TRIQK: variants seen among roughly 807,000 people sequenced by gnomAD.
TRIQK encodes the protein triple QxxK/R motif-containing protein.
TRIQK carries 10 observed loss-of-function variants against 10.8 expected under a neutral mutation model. The ratio of observed to expected loss-of-function variants is 0.92; its 90% CI spans 0.57 to 1.57. TRIQK has a LOEUF of 1.57. Ranked by LOEUF, TRIQK falls within the 40% of genes most tolerant of loss-of-function variation. The pLI is 0.00. For synonymous variants in TRIQK, 33 were observed against 33.7 expected (o/e 0.98, Z 0.07); for missense variants, 107 against 97.7 (o/e 1.09, Z -0.40).
At chr8:92,987,664 G>T (rs1329774315) in intron 1 of TRIQK, among the ~76,000 whole-genome samples, 1 of 151,952 alleles carries the variant, frequency 6.6e-6, no homozygotes, top group Non-Finnish European at 1.5e-5. Flanking sequence ...TCAAAATAAA[G>T]AAAATTATAA....
rs566709495 is a variant in TRIQK, at chr8:92,992,784, G to T, written c.-181+24825C>A. On this transcript the variant is annotated intron_variant, in intron 1 of 4. Coordinates refer to the TRIQK transcript ENST00000520686. ...AGCTGAGAATGAAACAGAAGACTGA[G>T]TAAAACCTCCGGCACCCCAGAACCC... Among the ~76,000 whole-genome samples the T allele has an allele frequency of 9.9e-5, 15 of 152,228 alleles. No individual in the cohort carries two copies. The South Asian group carries it at 1.7e-3, about 17-fold the overall frequency.
chr8:92,989,987 G>C (rs774615881), intron 1 of TRIQK, among the ~76,000 whole-genome samples: 1 of 151,704 alleles, frequency 6.6e-6, no homozygotes, highest in Non-Finnish European at 1.5e-5. Flanking sequence ...CTTTAATAAA[G>C]AGTTACTAAT....
At chr8:92,963,709 C>T in intron 1 of TRIQK, 1 of 152,036 alleles carries the variant, frequency 6.6e-6, no homozygotes, top group East Asian at 1.9e-4. Context: ...GCCTGACCAA[C>T]ATGAAGAAAC....
In TRIQK at chr8:92,958,302, C is replaced by T. The variant is rs539436863; in HGVS notation, c.-180-3738G>A. On this transcript the variant is annotated intron_variant, in intron 1 of 4. Coordinates refer to ENST00000521988, the MANE Select transcript of TRIQK (RefSeq NM_001171797.2). ...CTTGTCTAACTTGAATTCATAGGCACCCTTCAAGACCCCATTTCAATCAAT... is the reference window on the plus strand; with the variant it reads ...CTTGTCTAACTTGAATTCATAGGCATCCTTCAAGACCCCATTTCAATCAAT... Among the ~76,000 whole-genome samples, 81 of 152,004 alleles carry T rather than the reference C, an allele frequency of 5.3e-4. 2 individuals carry two copies. The highest frequency in any genetic ancestry group is 4.4e-3 in the South Asian group (21 of 4,822).
chr8:92,986,466 C>CT (rs1325166940), intron 1 of TRIQK, among the ~76,000 whole-genome samples: 1 of 152,086 alleles, frequency 6.6e-6, no homozygotes, highest in African/African-American at 2.4e-5. Flanking sequence ...ACAAGAATAT[C>CT]TTTTTCATCA....
chr8:92,935,357 T>A (rs1460801839), intron 2 of TRIQK, among the ~76,000 whole-genome samples: 1 of 151,714 alleles, frequency 6.6e-6, no homozygotes, highest in African/African-American at 2.4e-5. Context: ...TAAAATAAAA[T>A]AATCAGGGTT....
Position 93,014,957 on chromosome 8 carries a change from T to C in TRIQK, c.-181+2652A>G, listed in dbSNP as rs139076051. On this transcript the variant is annotated intron_variant, in intron 1 of 4. Transcript: ENST00000520686. The stretch of plus-strand genomic sequence containing the variant: ...TAATGTAGCCATATAATGTGTTATT[T>C]ACTTGTGGAGAACATAGATGTTCAA... Among the ~76,000 whole-genome samples the C allele has an allele frequency of 2.8e-4, 42 of 152,212 alleles. No individual in the cohort carries two copies. The East Asian group carries it at 7.7e-3, about 28-fold the overall frequency.
chr8:92,907,325 GGTTTCT>G (rs1809328308), intron 3 of TRIQK, among the ~76,000 whole-genome samples: 2 of 152,092 alleles, frequency 1.3e-5, no homozygotes, highest in Non-Finnish European at 2.9e-5. Context: ...CTTTGTGAAT[GGTTTCT>G]TCCAATTACA....
At chr8:92,921,199 T>C (rs1293044201) in intron 2 of TRIQK, among the ~76,000 whole-genome samples, 1 of 151,604 alleles carries the variant, frequency 6.6e-6, no homozygotes, top group Non-Finnish European at 1.5e-5. Flanking sequence ...ACAGGCAAAT[T>C]GAGAGAGGAC....
intron 1 of TRIQK, among the ~76,000 whole-genome samples, chr8:93,017,110 GGAGA>G (rs3062508): frequency 0.017 from 1,571 of 92,886 alleles, 27 homozygotes; most frequent in Admixed American, 0.029. Flanking sequence ...ATATATACTT[GGAGA>G]GAGAGAGAGA....
At chr8:92,949,613 A>AAGGG (rs1226796877) in intron 2 of TRIQK, among the ~76,000 whole-genome samples, 4 of 146,056 alleles carry the variant, frequency 2.7e-5, no homozygotes, top group Admixed American at 6.9e-5. Context: ...AAGAGAAAGG[A>AAGGG]AGGGAGGGAG....
rs193286351 is a variant in TRIQK, at chr8:92,884,649, C to A, written c.*1973G>T. 13 of 334,020 alleles carry A rather than the reference C, an allele frequency of 3.9e-5. No homozygotes were observed. In the East Asian group the frequency reaches 9.9e-4, roughly 25 times the overall value. 20.7% of individuals were successfully genotyped at this position (334,020 alleles called of 1,614,324 possible). On this transcript the variant is annotated 3_prime_UTR_variant, in exon 5 of 5. Transcript: ENST00000521988. Reference sequence around the variant, plus strand: ...AATGAATTTTCAAACATTTCCAAGACCATAACCAGCCATTTTAAGTACTGT... The same window carrying A: ...AATGAATTTTCAAACATTTCCAAGAACATAACCAGCCATTTTAAGTACTGT...
intron 2 of TRIQK, among the ~76,000 whole-genome samples, chr8:92,923,151 T>C (rs1810269925): frequency 6.6e-6 from 1 of 151,818 alleles, no homozygotes; most frequent in Non-Finnish European, 1.5e-5. Context: ...GACTCAGACA[T>C]GTAGAACCTT....
rs184527546 is a variant in TRIQK, at chr8:92,942,182, G to A, written c.-22+12224C>T. ...AATCCTCAACAAAATACTAGGAAGAGCCCATATCATTAATTCTGATCAAGT... is the reference window on the plus strand; with the variant it reads ...AATCCTCAACAAAATACTAGGAAGAACCCATATCATTAATTCTGATCAAGT... On this transcript the variant is annotated intron_variant, in intron 2 of 4. Transcript: ENST00000521988. Among the ~76,000 whole-genome samples, 110 of 152,132 alleles carry A rather than the reference G, an allele frequency of 7.2e-4. 3 individuals are homozygous for A. The highest frequency in any genetic ancestry group is 1.9e-4 in the Non-Finnish European group (13 of 67,962).
intron 1 of TRIQK, among the ~76,000 whole-genome samples, chr8:93,001,398 A>G (rs1406136465): frequency 6.6e-6 from 1 of 151,932 alleles, no homozygotes; most frequent in Non-Finnish European, 1.5e-5. Flanking sequence ...GACTCACTTC[A>G]TCCGTAAGGA....
At chr8:92,991,140 G>T (rs746249483) in intron 1 of TRIQK, among the ~76,000 whole-genome samples, 7 of 152,116 alleles carry the variant, frequency 4.6e-5, no homozygotes, top group African/African-American at 7.2e-5. Flanking sequence ...CCACTGGGAA[G>T]TTCAAACTGG....
At chr8:92,935,846 T>TA (rs1429482466) in intron 2 of TRIQK, among the ~76,000 whole-genome samples, 1 of 151,554 alleles carries the variant, frequency 6.6e-6, no homozygotes, top group Non-Finnish European at 1.5e-5. Context: ...ACACATTTCT[T>TA]AAAAAACAGA....
intron 2 of TRIQK, chr8:92,921,377 C>CTA (rs1554601459): frequency 6.6e-6 from 1 of 150,992 alleles, no homozygotes; most frequent in Non-Finnish European, 1.5e-5. Flanking sequence ...ACATGTTCTC[C>CTA]TTTTTTTTTC....
chr8:92,979,473 T>A (rs1035954068), intron 1 of TRIQK, among the ~76,000 whole-genome samples: 1 of 152,136 alleles, frequency 6.6e-6, no homozygotes. Context: ...AACTCTCAAC[T>A]TTCATATATA....
Sources: allele counts gnomAD v4.1 joint callset (sites outside exome capture counted in the v4.1 genomes callset), GRCh38; gene constraint gnomAD v4.1.1; transcripts MANE v1.5; gene names NCBI Gene and HGNC (gene_info 2026-07-23, HGNC 2026-07-21).